ZBTB20: variants seen among roughly 807,000 people sequenced by gnomAD.
The protein encoded by ZBTB20 is zinc finger and BTB domain containing 20.
ZBTB20 carries 9 observed loss-of-function variants against 56.9 expected under a neutral mutation model. The ratio of observed to expected loss-of-function variants is 0.16; its 90% CI spans 0.10 to 0.28. The LOEUF is 0.28. ZBTB20 is among the 10% of genes least tolerant of loss of function. The pLI, the probability that ZBTB20 is intolerant of heterozygous loss-of-function variation, is 1.00. For synonymous variants in ZBTB20, 417 were observed against 420.7 expected (o/e 0.99, Z 0.11); for missense variants, 655 against 1,003.0 (o/e 0.65, Z 4.69).
chr3:115,029,458 G>C (rs1419687548), intron 2 of ZBTB20, among the ~76,000 whole-genome samples: 1 of 150,740 alleles, frequency 6.6e-6, no homozygotes, highest in Non-Finnish European at 1.5e-5. Flanking sequence ...ACTTTTATTA[G>C]CAGGTTTAAA....
chr3:114,940,517 G>A (rs189696436), intron 3 of ZBTB20, among the ~76,000 whole-genome samples: 2 of 145,460 alleles, frequency 1.4e-5, no homozygotes, highest in Non-Finnish European at 2.9e-5. Flanking sequence ...TTAGACAAAC[G>A]TGTTTTCCAG....
intron 6 of ZBTB20, among the ~76,000 whole-genome samples, chr3:114,553,090 A>T (rs1427144075): frequency 6.6e-6 from 1 of 152,180 alleles, no homozygotes; most frequent in East Asian, 1.9e-4. Flanking sequence ...ACTGGGAGCA[A>T]TGCCTTATGT....
chr3:114,435,657 C>T (rs2090467064), intron 7 of ZBTB20, among the ~76,000 whole-genome samples: 2 of 152,048 alleles, frequency 1.3e-5, no homozygotes, highest in South Asian at 4.1e-4. Flanking sequence ...CAGAAAAAAA[C>T]AAAACAACAA....
chr3:114,340,720 C>A (rs1225790804), intron 11 of ZBTB20, among the ~76,000 whole-genome samples: 2 of 152,130 alleles, frequency 1.3e-5, no homozygotes, highest in Non-Finnish European at 2.9e-5. Flanking sequence ...CCAGTGTAGG[C>A]CCTCACCTCA....
intron 11 of ZBTB20, among the ~76,000 whole-genome samples, chr3:114,345,732 T>C (rs1576254113): frequency 6.6e-6 from 1 of 152,154 alleles, no homozygotes; most frequent in African/African-American, 2.4e-5. Flanking sequence ...GGAACATAAT[T>C]TGCATGCTGC....
At position 114,753,432 on chromosome 3, in the gene ZBTB20, T is replaced by TATAC. The variant is rs1205435166; in HGVS notation, c.-343+47668_-343+47669insGTAT. Among the ~76,000 whole-genome samples, 8 of 43,532 alleles carry TATAC rather than the reference T, an allele frequency of 1.8e-4. 2 individuals carry two copies. Among genetic ancestry groups the TATAC allele is most frequent in the African/African-American group, 4.6e-4 (6 of 12,952 alleles). 28.6% of individuals were successfully genotyped at this position (43,532 alleles called of 152,430 possible). A position where few individuals can be genotyped will look rare whatever the true frequency, so the allele number is the denominator to read the frequency against. ...ACACACGTATATATATATATATATA[T>TATAC]ACACACACACTTTTTTTTTTGAGAC... On this transcript the variant is annotated intron_variant, in intron 5 of 11. Coordinates refer to ENST00000675478, the MANE Select transcript of ZBTB20 (RefSeq NM_001348800.3).
chr3:114,382,876 G>C (rs2084557102), intron 8 of ZBTB20, among the ~76,000 whole-genome samples: 1 of 152,076 alleles, frequency 6.6e-6, no homozygotes, highest in Non-Finnish European at 1.5e-5. Flanking sequence ...AAATATTTAT[G>C]ATGTACCCAT....
intron 6 of ZBTB20, among the ~76,000 whole-genome samples, chr3:114,501,101 C>T (rs76150798): frequency 0.025 from 3,776 of 152,188 alleles, 142 homozygotes; most frequent in African/African-American, 0.081. Context: ...AAGTTTGCCC[C>T]GGACTTGCCT....
At chr3:114,964,605 A>C (rs2077577852) in intron 3 of ZBTB20, among the ~76,000 whole-genome samples, 1 of 152,176 alleles carries the variant, frequency 6.6e-6, no homozygotes, top group South Asian at 2.1e-4. Flanking sequence ...GTAAGAGCAA[A>C]GGCAGAAAGC....
At chr3:114,741,921 C>G (rs1218055516) in intron 5 of ZBTB20, among the ~76,000 whole-genome samples, 1 of 149,296 alleles carries the variant, frequency 6.7e-6, no homozygotes, top group Non-Finnish European at 1.5e-5. Flanking sequence ...AGAAGGAAAT[C>G]AGGGAAAATG....
At chr3:114,733,602 T>C (rs1051294694) in intron 5 of ZBTB20, among the ~76,000 whole-genome samples, 2 of 152,196 alleles carry the variant, frequency 1.3e-5, no homozygotes, top group African/African-American at 4.8e-5. Flanking sequence ...CTACCTCTTT[T>C]CTACCTCTAT....
chr3:114,868,922 T>A (rs1049262037), intron 4 of ZBTB20, among the ~76,000 whole-genome samples: 2 of 149,802 alleles, frequency 1.3e-5, no homozygotes, highest in Non-Finnish European at 3.0e-5. Flanking sequence ...CTAACAGTCA[T>A]TTTTTTTTGC....
chr3:114,341,493 C>T (rs939772332), intron 11 of ZBTB20, among the ~76,000 whole-genome samples: 41 of 152,180 alleles, frequency 2.7e-4, no homozygotes, highest in Admixed American at 2.3e-3. Context: ...GGTATTTTGG[C>T]TGCTAAGAAG....
rs2084688797 is a variant in ZBTB20, at chr3:115,137,701, G to A, written c.-703+9518C>T. Among the ~76,000 whole-genome samples, 4 of 152,046 alleles carry A rather than the reference G, an allele frequency of 2.6e-5. No individual in the cohort carries two copies. In the South Asian group the frequency reaches 6.2e-4, roughly 24 times the overall value. ...CCATAATAAATAAAACAAAATTAAG[G>A]TATATAATATTTTACCCCTCATATC... On this transcript the variant is annotated intron_variant, in intron 1 of 11. Transcript: ENST00000675478.
chr3:114,784,059 C>A (rs2070316210), intron 5 of ZBTB20, among the ~76,000 whole-genome samples: 1 of 152,178 alleles, frequency 6.6e-6, no homozygotes. Context: ...TAGTCCATAA[C>A]AAATTTTTCT....
intron 6 of ZBTB20, among the ~76,000 whole-genome samples, chr3:114,568,565 G>A (rs952624464): frequency 2.0e-5 from 3 of 152,096 alleles, no homozygotes; most frequent in Non-Finnish European, 4.4e-5. Context: ...AAAAATTCCT[G>A]GTATGCCAGT....
intron 10 of ZBTB20, among the ~76,000 whole-genome samples, chr3:114,363,145 G>A (rs1279359428): frequency 6.6e-6 from 1 of 152,104 alleles, no homozygotes; most frequent in Non-Finnish European, 1.5e-5. Flanking sequence ...AAAACCTTCA[G>A]GTCAAACTGT....
chr3:114,887,482 A>C (rs1396000269), intron 4 of ZBTB20, among the ~76,000 whole-genome samples: 1 of 152,174 alleles, frequency 6.6e-6, no homozygotes, highest in Non-Finnish European at 1.5e-5. Flanking sequence ...GTGGGCCCTA[A>C]ATCCAATAAC....
At chr3:114,403,397 G>A (rs997524139) in intron 7 of ZBTB20, among the ~76,000 whole-genome samples, 2 of 152,084 alleles carry the variant, frequency 1.3e-5, no homozygotes, top group Non-Finnish European at 2.9e-5. Context: ...TGGTGATATC[G>A]ATAGCAGTGG....
Sources: allele counts gnomAD v4.1 joint callset (sites outside exome capture counted in the v4.1 genomes callset), GRCh38; gene constraint gnomAD v4.1.1; transcripts MANE v1.5; gene names NCBI Gene and HGNC (gene_info 2026-07-23, HGNC 2026-07-21).